GCNT1: variants seen among roughly 807,000 people sequenced by gnomAD.
GCNT1 encodes beta-1,3-galactosyl-O-glycosyl-glycoprotein beta-1,6-N-acetylglucosaminyltransferase.
A neutral mutation model predicts 26.2 loss-of-function variants in GCNT1; 16 were observed. That is an observed-to-expected ratio of 0.61 (90% CI 0.41 to 0.93). The LOEUF (loss-of-function observed/expected upper bound fraction) is 0.93, where lower values mean the gene tolerates loss of function less well. Among genes scored for constraint, GCNT1 ranks in the 40% least tolerant of loss-of-function variants. GCNT1 has a pLI of 0.00. For missense variants in GCNT1, 477 were observed against 526.7 expected (o/e 0.91, Z 0.92); for synonymous variants, 183 against 190.8 (o/e 0.96, Z 0.34).
intron 2 of GCNT1, among the ~76,000 whole-genome samples, chr9:76,492,064 A>G (rs1323023134): frequency 6.6e-6 from 1 of 152,174 alleles, no homozygotes; most frequent in Non-Finnish European, 1.5e-5. Context: ...TAGGTATGCC[A>G]CTGGTTGTGG....
chr9:76,429,378 T>C (rs1266778200), intron 1 of GCNT1, among the ~76,000 whole-genome samples: 5 of 152,230 alleles, frequency 3.3e-5, no homozygotes, highest in African/African-American at 1.2e-4. Context: ...ACACTAGATA[T>C]TGCCTCAATG....
At chr9:76,399,018 C>T in the GCNT1 span, 12 of 1,586,128 alleles carry the variant, frequency 7.6e-6, no homozygotes, top group South Asian at 8.8e-5. Context: ...ACTCCTGGAA[C>T]CTTCACTAAC....
intron 1 of GCNT1, among the ~76,000 whole-genome samples, chr9:76,428,278 A>AAAAAAAAAC (rs1823284653): frequency 7.1e-6 from 1 of 141,466 alleles, no homozygotes; most frequent in Non-Finnish European, 1.5e-5. Context: ...AAAAAAAAAA[A>AAAAAAAAAC]AAAAAAAAAA....
rs932755020 is a variant in GCNT1, at chr9:76,504,143, TTTGA to T, written c.*479_*482del. On this transcript the variant is annotated 3_prime_UTR_variant, in exon 4 of 4. Transcript: ENST00000376730. ...GATATTATATTTGTTGAAATAGAAA[TTTGA>T]TTGTACTATAAATGATTTTTGTAAA... 64 of 197,902 alleles carry T rather than the reference TTTGA, an allele frequency of 3.2e-4. No individual in the cohort carries two copies. Among genetic ancestry groups the T allele is most frequent in the Non-Finnish European group, 2.9e-4 (25 of 85,020 alleles). 12.3% of individuals were successfully genotyped at this position (197,902 alleles called of 1,614,324 possible).
chr9:76,401,207 A>G, the GCNT1 span, among the ~76,000 whole-genome samples: 1 of 152,252 alleles, frequency 6.6e-6, no homozygotes, highest in Non-Finnish European at 1.5e-5. Context: ...GTAAAATTCT[A>G]CATAAAAGCC....
intron 1 of GCNT1, among the ~76,000 whole-genome samples, chr9:76,434,380 A>G (rs1274977928): frequency 6.6e-6 from 1 of 152,202 alleles, no homozygotes; most frequent in East Asian, 1.9e-4. Context: ...GGCTGGAGCC[A>G]TGGCAGAGGA....
At chr9:76,471,442 T>G (rs747406676) in intron 2 of GCNT1, among the ~76,000 whole-genome samples, 3 of 152,178 alleles carry the variant, frequency 2.0e-5, no homozygotes, top group Non-Finnish European at 2.9e-5. Flanking sequence ...TGCTCCTGCC[T>G]GGGGCGCTTG....
At chr9:76,461,548 A>T (rs1350702154) in intron 2 of GCNT1, among the ~76,000 whole-genome samples, 3 of 150,006 alleles carry the variant, frequency 2.0e-5, no homozygotes, top group Admixed American at 6.7e-5. Context: ...GCACCACTGC[A>T]CTCCAGCCTG....
chr9:76,462,143 ATT>A (rs11368049), intron 2 of GCNT1, among the ~76,000 whole-genome samples: 5,198 of 147,970 alleles, frequency 0.035, 98 homozygotes, highest in Non-Finnish European at 0.05. Context: ...GCTATACTGT[ATT>A]TTTTTTTTTT....
upstream of GCNT1, among the ~76,000 whole-genome samples, chr9:76,438,919 T>C (rs1303334205): frequency 2.0e-5 from 3 of 152,342 alleles, no homozygotes; most frequent in Non-Finnish European, 4.4e-5. Flanking sequence ...GCTTGATAGA[T>C]AGTAAGCCGT....
intron 1 of GCNT1, among the ~76,000 whole-genome samples, chr9:76,450,660 G>A (rs961722067): frequency 2.0e-5 from 3 of 152,112 alleles, no homozygotes; most frequent in African/African-American, 7.2e-5. Flanking sequence ...TATTGAAATT[G>A]AGCATCTTTT....
intron 2 of GCNT1, among the ~76,000 whole-genome samples, chr9:76,488,115 C>A (rs987756168): frequency 2.0e-5 from 3 of 152,176 alleles, no homozygotes; most frequent in African/African-American, 7.2e-5. Flanking sequence ...TTTGATGTGG[C>A]TTAGTTTCCC....
chr9:76,482,476 T>G (rs1240615879), intron 2 of GCNT1, among the ~76,000 whole-genome samples: 1 of 149,244 alleles, frequency 6.7e-6, no homozygotes, highest in Non-Finnish European at 1.5e-5. Flanking sequence ...AAAAAAAAAT[T>G]AGCCGGGCGT....
chr9:76,445,554 A>C (rs1823562099), intron 1 of GCNT1, among the ~76,000 whole-genome samples: 1 of 151,542 alleles, frequency 6.6e-6, no homozygotes, highest in African/African-American at 2.4e-5. Flanking sequence ...AGCCCAGCTA[A>C]TTTTTGTATT....
chr9:76,487,484 A>G (rs1824610715), intron 2 of GCNT1, among the ~76,000 whole-genome samples: 1 of 152,196 alleles, frequency 6.6e-6, no homozygotes. Flanking sequence ...AGGTTTATCC[A>G]TCAGCGGTTT....
chr9:76,423,399 C>A (rs998462343), intron 1 of GCNT1, among the ~76,000 whole-genome samples: 1 of 152,224 alleles, frequency 6.6e-6, no homozygotes, highest in Admixed American at 6.5e-5. Flanking sequence ...CTCCCTTTGC[C>A]TTTCCCCCAT....
chr9:76,499,773 C>G (rs912174792), intron 2 of GCNT1, among the ~76,000 whole-genome samples: 4 of 152,242 alleles, frequency 2.6e-5, no homozygotes, highest in African/African-American at 9.6e-5. Flanking sequence ...TTATTAATAT[C>G]TTACATTAGT....
the GCNT1 span, among the ~76,000 whole-genome samples, chr9:76,411,352 AG>A: frequency 6.6e-6 from 1 of 151,916 alleles, no homozygotes; most frequent in Non-Finnish European, 1.5e-5. Flanking sequence ...TTTTTGAGAC[AG>A]GGTCACACTC....
upstream of GCNT1, among the ~76,000 whole-genome samples, chr9:76,416,603 G>T (rs1823135632): frequency 6.6e-6 from 1 of 152,226 alleles, no homozygotes; most frequent in Non-Finnish European, 1.5e-5. Context: ...TGAGTGGGGG[G>T]CTGAGTAAGC....
Sources: allele counts gnomAD v4.1 joint callset (sites outside exome capture counted in the v4.1 genomes callset), GRCh38; gene constraint gnomAD v4.1.1; transcripts MANE v1.5; gene names NCBI Gene and HGNC (gene_info 2026-07-23, HGNC 2026-07-21).